Variants in COX7B2 observed in about 807,000 individuals in gnomAD.
COX7B2 encodes cytochrome c oxidase subunit 7B2.
For synonymous variants in COX7B2, 37 were observed against 32.1 expected (o/e 1.15, Z -0.51); for missense variants, 109 against 95.9 (o/e 1.14, Z -0.57).
chr4:46,853,690 C>A (rs371637567), intron 1 of COX7B2, among the ~76,000 whole-genome samples: 47 of 152,008 alleles, frequency 3.1e-4, no homozygotes, highest in African/African-American at 1.1e-3. Context: ...TTTAGCTTCC[C>A]TAACATCAGT....
chr4:46,831,635 G>C (rs1264062001), intron 2 of COX7B2, among the ~76,000 whole-genome samples: 1 of 152,124 alleles, frequency 6.6e-6, no homozygotes, highest in Non-Finnish European at 1.5e-5. Context: ...CTATTTCAGG[G>C]TTTGTGGATG....
intron 2 of COX7B2, among the ~76,000 whole-genome samples, chr4:46,822,579 A>C (rs1233900006): frequency 1.3e-5 from 2 of 152,206 alleles, no homozygotes; most frequent in African/African-American, 4.8e-5. Flanking sequence ...AAACAGAAAA[A>C]ATAACTACAT....
chr4:46,806,262 C>A (rs994570868), intron 2 of COX7B2, among the ~76,000 whole-genome samples: 3 of 151,152 alleles, frequency 2.0e-5, no homozygotes, highest in African/African-American at 4.9e-5. Context: ...TATTATATAA[C>A]CAACAAAGTA....
chr4:46,824,902 A>T (rs1714574316), intron 2 of COX7B2, among the ~76,000 whole-genome samples: 1 of 152,178 alleles, frequency 6.6e-6, no homozygotes, highest in South Asian at 2.1e-4. Context: ...GAAGCCGTCT[A>T]TGACAAACCC....
At chr4:46,890,056 A>G (rs1418940490) in intron 1 of COX7B2, among the ~76,000 whole-genome samples, 1 of 152,136 alleles carries the variant, frequency 6.6e-6, no homozygotes, top group Non-Finnish European at 1.5e-5. Flanking sequence ...TACGTGGCCA[A>G]CTGAGCTCAG....
In COX7B2 at chr4:46,735,023, G is replaced by A. The variant is rs140822119; in HGVS notation, c.170C>T (p.Thr57Ile). 196 of 1,614,032 alleles carry A rather than the reference G, an allele frequency of 1.2e-4. No homozygotes were observed. In the African/African-American group the frequency reaches 2.2e-3, roughly 18 times the overall value. ...TAFCVATWVFTATQIGIEWNL... is the reference protein window; with the variant it reads ...TAFCVATWVFIATQIGIEWNL... ...CCATTCTATTCCAATCTGAGTGGCT[G>A]TAAACACCCATGTAGCAACACAGAA... The change falls in exon 3 of 3, where the codon ACA becomes ATA. Residue 57 changes from threonine to isoleucine, a missense_variant. Physicochemically the swap from Thr to Ile is moderately conservative, Grantham distance 89. Transcript: ENST00000355591.
intron 2 of COX7B2, among the ~76,000 whole-genome samples, chr4:46,838,355 CAT>C (rs1345441211): frequency 6.6e-6 from 1 of 151,904 alleles, no homozygotes; most frequent in Non-Finnish European, 1.5e-5. Context: ...AACATGCAAA[CAT>C]GTATAATATA....
intron 2 of COX7B2, among the ~76,000 whole-genome samples, chr4:46,804,910 G>A (rs967020842): frequency 6.6e-5 from 10 of 152,326 alleles, no homozygotes; most frequent in South Asian, 2.1e-4. Context: ...CTCAGGCTGC[G>A]TGGGAGCCCA....
chr4:46,766,034 C>T (rs1716514730), intron 2 of COX7B2, among the ~76,000 whole-genome samples: 1 of 152,256 alleles, frequency 6.6e-6, no homozygotes, highest in South Asian at 2.1e-4. Flanking sequence ...GACACAGGCT[C>T]CAGGCATAAA....
At chr4:46,793,525 A>G (rs1378845886) in intron 2 of COX7B2, among the ~76,000 whole-genome samples, 1 of 152,196 alleles carries the variant, frequency 6.6e-6, no homozygotes, top group Non-Finnish European at 1.5e-5. Flanking sequence ...TAAAACTAAC[A>G]AATATAGTAA....
intron 2 of COX7B2, among the ~76,000 whole-genome samples, chr4:46,774,531 C>A (rs919697416): frequency 1.3e-5 from 2 of 152,072 alleles, no homozygotes; most frequent in Non-Finnish European, 2.9e-5. Flanking sequence ...TCTATCTTAT[C>A]TATATATCAT....
At chr4:46,844,833 T>C (rs1028932609) in intron 2 of COX7B2, 127 bp downstream of exon 2, 2 of 152,056 alleles carry the variant, frequency 1.3e-5, no homozygotes, top group African/African-American at 4.8e-5. Flanking sequence ...TAAAAGTACA[T>C]ACAATTTTTT....
intron 2 of COX7B2, among the ~76,000 whole-genome samples, chr4:46,768,266 G>A (rs897104430): frequency 1.3e-5 from 2 of 152,168 alleles, no homozygotes; most frequent in Non-Finnish European, 2.9e-5. Flanking sequence ...AGGATGGGGA[G>A]CTGGAAAGGA....
chr4:46,891,198 G>A (rs1189287498), intron 1 of COX7B2, among the ~76,000 whole-genome samples: 1 of 152,150 alleles, frequency 6.6e-6, no homozygotes, highest in African/African-American at 2.4e-5. Flanking sequence ...AAACAGATTT[G>A]GCAGATCAAG....
chr4:46,863,594 A>C (rs1428228309), intron 1 of COX7B2, among the ~76,000 whole-genome samples: 1 of 152,090 alleles, frequency 6.6e-6, no homozygotes, highest in Non-Finnish European at 1.5e-5. Context: ...TCCTTTTAAA[A>C]CTTCTCAGAT....
intron 1 of COX7B2, among the ~76,000 whole-genome samples, chr4:46,864,950 T>C (rs1251161593): frequency 6.6e-6 from 1 of 152,248 alleles, no homozygotes; most frequent in East Asian, 1.9e-4. Flanking sequence ...GGGCTTTTAT[T>C]ATGATTATTA....
intron 1 of COX7B2, among the ~76,000 whole-genome samples, chr4:46,891,972 T>C (rs1238133206): frequency 6.6e-6 from 1 of 152,308 alleles, no homozygotes; most frequent in South Asian, 2.1e-4. Flanking sequence ...TTTCACTCTA[T>C]TCTGGTAAAT....
At chr4:46,787,739 T>C (rs1292451570) in intron 2 of COX7B2, among the ~76,000 whole-genome samples, 11 of 152,196 alleles carry the variant, frequency 7.2e-5, no homozygotes, top group East Asian at 1.9e-4. Context: ...GCAAGACTTA[T>C]TGAGCTGCCT....
intron 1 of COX7B2, among the ~76,000 whole-genome samples, chr4:46,847,552 T>C (rs1265292770): frequency 6.6e-6 from 1 of 152,096 alleles, no homozygotes; most frequent in Non-Finnish European, 1.5e-5. Flanking sequence ...AGCAGACTTC[T>C]GACACACAGA....
Sources: allele counts gnomAD v4.1 joint callset (sites outside exome capture counted in the v4.1 genomes callset), GRCh38; gene constraint gnomAD v4.1.1; transcripts MANE v1.5; gene names NCBI Gene and HGNC (gene_info 2026-07-23, HGNC 2026-07-21).